The following AMACR variants were observed in gnomAD, a reference collection of about 807,000 sequenced individuals.
AMACR encodes alpha-methylacyl-CoA racemase, also known as 2-methylacyl-CoA racemase.
Under a neutral mutation model 22.2 loss-of-function variants are expected in AMACR, and 18 were observed. That is an observed-to-expected ratio of 0.81 (90% CI 0.56 to 1.20). The LOEUF is 1.20. Ranked by LOEUF, AMACR falls within the 50% of genes most tolerant of loss-of-function variation. The probability of loss-of-function intolerance (pLI) is 0.00; values close to 1 mark genes in which losing one functional copy is unlikely to be tolerated. For synonymous variants in AMACR, 213 were observed against 191.3 expected, an observed-to-expected ratio of 1.11 and a Z score of -0.94; for missense variants, 499 against 490.6, an observed-to-expected ratio of 1.02 and a Z score of -0.16.
intron 4 of AMACR, chr5:33,993,959 A>C (rs1447083788): frequency 2.3e-5 from 10 of 441,784 alleles, no homozygotes; most frequent in Non-Finnish European, 4.5e-5. Context: ...TGATTGTACT[A>C]TAAGAGACTT....
chr5:34,004,482 T>C (rs1443079541), intron 3 of AMACR, 92 bp downstream of exon 3: 4 of 1,530,936 alleles, frequency 2.6e-6, no homozygotes, highest in Admixed American at 3.3e-5. Context: ...ATGTCATTTA[T>C]CTCTTGTCTT....
At chr5:33,999,351 A>C (rs1306358254) in intron 3 of AMACR, among the ~76,000 whole-genome samples, 1 of 152,210 alleles carries the variant, frequency 6.6e-6, no homozygotes, top group East Asian at 1.9e-4. Context: ...ACTGTATTTG[A>C]GTATTTAATG....
In AMACR at chr5:34,008,006, C is replaced by A; in HGVS notation, c.14G>T (p.Gly5Val). 4.3e-6 allele frequency: 7 copies of A among 1,610,822 alleles called. No individual in the cohort carries two copies. The highest frequency in any genetic ancestry group is 5.9e-6 in the Non-Finnish European group (7 of 1,179,756). Residue 5 changes from glycine to valine, a missense_variant, in exon 1 of 5, where the codon GGC becomes GTC. Gly to Val is a moderately radical substitution (Grantham distance 109). Transcript: ENST00000335606. ...GCCGGACAGCTCCACGACCGAGATG[C>A]CCTGCAGTGCCATGGCGCTTCCCAG... MALQ[G>V]ISVVELSGLA...
chr5:33,998,518 T>C, intron 4 of AMACR, 123 bp downstream of exon 4: 2 of 968,678 alleles, frequency 2.1e-6, no homozygotes, highest in South Asian at 3.7e-5. Context: ...ATGGCTATAA[T>C]TAGGTTAATT....
chr5:34,006,679 G>A (rs1259369182), intron 1 of AMACR, among the ~76,000 whole-genome samples: 1 of 152,176 alleles, frequency 6.6e-6, no homozygotes, highest in African/African-American at 2.4e-5. Context: ...CTTAAATGGA[G>A]CATTCTTAAA....
chr5:33,986,516 T>C lies in AMACR; in HGVS notation c.*2577A>G, dbSNP rs1188787611. The C allele has an allele frequency of 6.6e-6, 1 of 152,264 alleles. No individual in the cohort carries two copies. The highest frequency in any genetic ancestry group is 1.5e-5 in the Non-Finnish European group (1 of 68,050). The allele number at this position is 152,264 out of a possible 1,614,324, so 9.4% of individuals were successfully genotyped here. The stretch of plus-strand genomic sequence containing the variant: ...AAGGAATTACTGAGTGAATAAACCA[T>C]ACACACTGCATTTTGTGCTGCCTGT... On this transcript the variant is annotated 3_prime_UTR_variant, in exon 5 of 5. Coordinates refer to ENST00000335606, the MANE Select transcript of AMACR (RefSeq NM_014324.6).
chr5:34,004,803 A>G (rs1753924007), intron 2 of AMACR, 69 bp from the exon 3 acceptor site: 1 of 1,516,378 alleles, frequency 6.6e-7, no homozygotes, highest in South Asian at 1.2e-5. Context: ...ATATGTGAGC[A>G]TCTTAGAGGA....
chr5:33,993,985 C>G (rs556474117), intron 4 of AMACR: 5 of 450,620 alleles, frequency 1.1e-5, no homozygotes, highest in South Asian at 7.8e-5. Context: ...CTCAAAATGT[C>G]ATAAAATTCT....
Position 34,005,739 on chromosome 5 carries a change from A to AT in AMACR, c.391+16dup, listed in dbSNP as rs779891271. 5.0e-6 allele frequency: 8 copies of AT among 1,613,280 alleles called. No homozygotes were observed. Among genetic ancestry groups the AT allele is most frequent in the East Asian group, 4.5e-5 (2 of 44,882 alleles). On this transcript the variant is annotated intron_variant, in intron 2 of 4. Transcript: ENST00000335606. ...GGAATAAATTAAAAGTGTAGACTAAATTTTTTTTCAACATACCTGACAAAG... is the reference window on the plus strand; with the variant it reads ...GGAATAAATTAAAAGTGTAGACTAAATTTTTTTTTCAACATACCTGACAAAG...
intron 4 of AMACR, among the ~76,000 whole-genome samples, chr5:33,996,697 T>G (rs1753646013): frequency 1.3e-5 from 2 of 152,006 alleles, no homozygotes; most frequent in African/African-American, 4.8e-5. Context: ...TACCCCAGAG[T>G]TCAAGGCTGC....
At chr5:34,003,589 T>C (rs1278426369) in intron 3 of AMACR, among the ~76,000 whole-genome samples, 4 of 152,252 alleles carry the variant, frequency 2.6e-5, no homozygotes, top group Non-Finnish European at 5.9e-5. Context: ...CTCTATGCTC[T>C]GACCACTGTG....
intron 4 of AMACR, chr5:33,996,920 A>T (rs1753654390): frequency 9.4e-6 from 4 of 424,196 alleles, no homozygotes; most frequent in Non-Finnish European, 1.7e-5. Flanking sequence ...AACAAACAGC[A>T]ACAATAACAA....
chr5:34,000,837 A>T (rs565842791), intron 3 of AMACR, among the ~76,000 whole-genome samples: 4 of 152,354 alleles, frequency 2.6e-5, no homozygotes, highest in African/African-American at 9.6e-5. Context: ...GGTCTGACAA[A>T]ATAATATATA....
At chr5:33,996,637 T>TAGCCAG (rs61126242) in intron 4 of AMACR, among the ~76,000 whole-genome samples, 1 of 151,768 alleles carries the variant, frequency 6.6e-6, no homozygotes, top group African/African-American at 2.4e-5. Flanking sequence ...AATAAAAAAT[T>TAGCCAG]TTGCCTATAG....
chr5:34,001,426 C>T (rs928389004), intron 3 of AMACR, among the ~76,000 whole-genome samples: 1 of 152,206 alleles, frequency 6.6e-6, no homozygotes, highest in African/African-American at 2.4e-5. Flanking sequence ...ATGGTTTGAA[C>T]AGCTGGCCGC....
Position 34,004,435 on chromosome 5 carries a change from A to G in AMACR, c.552+139T>C, listed in dbSNP as rs1286035066. The G allele has an allele frequency of 3.6e-6, 4 of 1,097,644 alleles. No homozygotes were observed. The African/African-American group carries it at 4.7e-5, about 13-fold the overall frequency. The allele number at this position is 1,097,644 out of a possible 1,614,324, so 68.0% of individuals were successfully genotyped here. ...AAAGACATAAGTCTATTTTAAAAAG[A>G]AAAGGATATCCTTGGTAACCTGGCT... On this transcript the variant is annotated intron_variant, in intron 3 of 4. Coordinates refer to ENST00000335606, the MANE Select transcript of AMACR (RefSeq NM_014324.6).
intron 2 of AMACR, 21 bp from the exon 3 acceptor site, chr5:34,004,755 T>G: frequency 2.5e-6 from 4 of 1,612,390 alleles, no homozygotes; most frequent in Non-Finnish European, 3.4e-6. Flanking sequence ...AAAAACAAAT[T>G]TAATGTCTCT....
At chr5:33,994,230 A>G (rs1453936055) in intron 4 of AMACR, 2 of 336,016 alleles carry the variant, frequency 6.0e-6, no homozygotes, top group African/African-American at 4.3e-5. Context: ...CCCAGGCTGG[A>G]GGGCAGTGAT....
Position 33,988,864 on chromosome 5 carries a change from C to A in AMACR, c.*229G>T. The A allele has an allele frequency of 7.3e-7, 1 of 1,370,234 alleles. No homozygotes were observed. Among genetic ancestry groups the A allele is most frequent in the Non-Finnish European group, 9.4e-7 (1 of 1,065,062 alleles). 84.9% of individuals were successfully genotyped at this position (1,370,234 alleles called of 1,614,324 possible). On this transcript the variant is annotated 3_prime_UTR_variant, in exon 5 of 5. Coordinates refer to ENST00000335606, the MANE Select transcript of AMACR (RefSeq NM_014324.6). ...TCAAGCAAACTGGAAGGCAGAATAACTACCATAATTTAGTATAAGTACCCA... is the reference window on the plus strand; with the variant it reads ...TCAAGCAAACTGGAAGGCAGAATAAATACCATAATTTAGTATAAGTACCCA...
Sources: allele counts gnomAD v4.1 joint callset (sites outside exome capture counted in the v4.1 genomes callset), GRCh38; gene constraint gnomAD v4.1.1; transcripts MANE v1.5; gene names NCBI Gene and HGNC (gene_info 2026-07-23, HGNC 2026-07-21).